The following ZCCHC2 variants were observed in gnomAD, a reference collection of about 807,000 sequenced individuals.
ZCCHC2 encodes the protein zinc finger CCHC-type containing 2, also known as zinc finger CCHC domain-containing protein 2.
A neutral mutation model predicts 103.6 loss-of-function variants in ZCCHC2; 39 were observed. The observed-to-expected ratio is 0.38, with a 90% confidence interval of 0.29 to 0.49. The LOEUF (loss-of-function observed/expected upper bound fraction) is 0.49, where lower values mean the gene tolerates loss of function less well. ZCCHC2 is among the 20% of genes least tolerant of loss of function. The pLI is 0.96. For missense variants in ZCCHC2, 1,483 were observed against 1,491.0 expected (o/e 0.99, Z 0.09); for synonymous variants, 687 against 608.9 (o/e 1.13, Z -1.89).
Position 62,550,429 on chromosome 18 carries a change from C to G in ZCCHC2, c.1282C>G (p.Arg428Gly). 1 of 1,613,546 alleles carries G rather than the reference C, an allele frequency of 6.2e-7. No homozygotes were observed. Among genetic ancestry groups the G allele is most frequent in the Non-Finnish European group, 8.5e-7 (1 of 1,179,698 alleles). ...TCAGGGTTCCTTGAAAAGGGAGGAA[C>G]GGCGACATCCTGACCTAGAGCCCAT... is the stretch of plus-strand genomic sequence containing the variant. ...LNQGSLKREE[R>G]RHPDLEPILR... Residue 428 changes from arginine to glycine, a missense_variant, in exon 5 of 14, where the codon CGG becomes GGG. By Grantham distance (125) the Arg-to-Gly change is moderately radical. Coordinates refer to ENST00000269499, the MANE Select transcript of ZCCHC2 (RefSeq NM_017742.6).
At chr18:62,558,097 G>A (rs977117104) in intron 6 of ZCCHC2, among the ~76,000 whole-genome samples, 2 of 151,266 alleles carry the variant, frequency 1.3e-5, no homozygotes, top group South Asian at 2.1e-4. Flanking sequence ...GAAAACTAGC[G>A]CTGAAAAAAA....
intron 1 of ZCCHC2, among the ~76,000 whole-genome samples, chr18:62,534,551 G>T (rs932611899): frequency 6.6e-6 from 1 of 152,188 alleles, no homozygotes; most frequent in African/African-American, 2.4e-5. Flanking sequence ...GTAGTGCCTT[G>T]TGTGATTGGA....
intron 1 of ZCCHC2, 169 bp downstream of exon 1, chr18:62,524,532 C>G: frequency 1.8e-6 from 2 of 1,117,712 alleles, no homozygotes; most frequent in Non-Finnish European, 2.4e-6. Flanking sequence ...CTCGCTGGGC[C>G]GCTCCGTTCC....
intron 1 of ZCCHC2, 112 bp downstream of exon 1, chr18:62,524,475 C>T (rs747680284): frequency 1.5e-4 from 201 of 1,384,930 alleles, no homozygotes; most frequent in Middle Eastern, 2.6e-4. Flanking sequence ...GCAGGTGGCT[C>T]GGAATCCCCA....
intron 11 of ZCCHC2, among the ~76,000 whole-genome samples, chr18:62,566,187 A>G (rs560859347): frequency 9.1e-4 from 138 of 152,306 alleles, no homozygotes; most frequent in African/African-American, 2.7e-3. Flanking sequence ...AGAGGTTGCA[A>G]TGAGCCACGA....
chr18:62,553,764 A>G (rs1915766367), intron 5 of ZCCHC2, among the ~76,000 whole-genome samples: 1 of 152,214 alleles, frequency 6.6e-6, no homozygotes, highest in Non-Finnish European at 1.5e-5. Flanking sequence ...TCGGAAAGAC[A>G]GTCCGATTTC....
intron 14 of ZCCHC2, among the ~76,000 whole-genome samples, chr18:62,584,281 G>GGA (rs1175354555): frequency 1.3e-5 from 2 of 152,210 alleles, no homozygotes; most frequent in East Asian, 3.9e-4. Context: ...TGTGGGGACC[G>GGA]GAGACCCTTC....
chr18:62,571,577 A>C (rs1249585285), intron 12 of ZCCHC2, among the ~76,000 whole-genome samples: 1 of 152,112 alleles, frequency 6.6e-6, no homozygotes, highest in Non-Finnish European at 1.5e-5. Flanking sequence ...TAGAGGTCTT[A>C]CTCTACCATT....
At chr18:62,532,333 C>CT (rs1448454694) in intron 1 of ZCCHC2, among the ~76,000 whole-genome samples, 1 of 152,242 alleles carries the variant, frequency 6.6e-6, no homozygotes, top group Non-Finnish European at 1.5e-5. Flanking sequence ...TGAATACACA[C>CT]TTTCCTCATC....
chr18:62,524,255 G>A lies in ZCCHC2; in HGVS notation c.831G>A (p.Arg277=), dbSNP rs1446751842. 1 of 1,550,144 alleles carries A rather than the reference G, an allele frequency of 6.5e-7. No homozygotes were observed. The highest frequency in any genetic ancestry group is 2.4e-5 in the East Asian group (1 of 40,840). ...ACCCGGCTTTCTCCTTCCACCAGCG[G>A]GTCACCCTGAGGGAACACTTGGAGA... is the stretch of plus-strand genomic sequence containing the variant. ...SLHPAFSFHQ[R]VTLREHLERL... The change falls in exon 1 of 14, where the codon CGG becomes CGA. Residue 277 remains arginine, a synonymous_variant. Transcript: ENST00000269499.
intron 5 of ZCCHC2, among the ~76,000 whole-genome samples, chr18:62,555,122 G>C (rs1915830565): frequency 6.6e-6 from 1 of 152,184 alleles, no homozygotes; most frequent in Non-Finnish European, 1.5e-5. Context: ...GTAACCATGA[G>C]AAATTGGAAG....
At chr18:62,542,124 T>C (rs1344877575) in intron 2 of ZCCHC2, among the ~76,000 whole-genome samples, 1 of 152,216 alleles carries the variant, frequency 6.6e-6, no homozygotes, top group Non-Finnish European at 1.5e-5. Flanking sequence ...ATTTAGTTGA[T>C]ATTAAAATGC....
chr18:62,533,488 G>C (rs1914784178), intron 1 of ZCCHC2, among the ~76,000 whole-genome samples: 1 of 152,064 alleles, frequency 6.6e-6, no homozygotes, highest in Non-Finnish European at 1.5e-5. Context: ...TCATGCCACT[G>C]CACTCCAACC....
chr18:62,572,972 C>T (rs1916651256), intron 12 of ZCCHC2, among the ~76,000 whole-genome samples: 1 of 152,096 alleles, frequency 6.6e-6, no homozygotes, highest in African/African-American at 2.4e-5. Flanking sequence ...CTTTGAGTTT[C>T]TTCTAATATA....
At chr18:62,531,153 G>C (rs1218092785) in intron 1 of ZCCHC2, among the ~76,000 whole-genome samples, 2 of 152,052 alleles carry the variant, frequency 1.3e-5, no homozygotes, top group East Asian at 1.9e-4. Flanking sequence ...ATGGAGGACT[G>C]TGTGTGACAG....
chr18:62,561,738 C>T (rs186599145), intron 8 of ZCCHC2, among the ~76,000 whole-genome samples: 5 of 152,228 alleles, frequency 3.3e-5, no homozygotes, highest in Admixed American at 3.3e-4. Context: ...GAGTTTCAAT[C>T]GGTCTTACTG....
At chr18:62,560,740 G>T in intron 8 of ZCCHC2, 96 bp downstream of exon 8, 2 of 976,160 alleles carry the variant, frequency 2.0e-6, no homozygotes, top group South Asian at 3.9e-5. Context: ...CTATAATTCT[G>T]TCATTTTGCT....
In ZCCHC2 at chr18:62,523,262, A is replaced by C. The variant is rs1336055167; in HGVS notation, c.-163A>C. On this transcript the variant is annotated 5_prime_UTR_variant, in exon 1 of 14. Transcript: ENST00000269499. Reference sequence around the variant, plus strand: ...ACGCCAGCGACCCCGCCGGCCGGCCACCGCCCCCCTCGCCGGCCGAGACCC... The same window carrying C: ...ACGCCAGCGACCCCGCCGGCCGGCCCCCGCCCCCCTCGCCGGCCGAGACCC... 6.2e-5 allele frequency: 30 copies of C among 483,770 alleles called. No homozygotes were observed. The highest frequency in any genetic ancestry group is 7.2e-5 in the Non-Finnish European group (27 of 376,842). 30.0% of individuals were successfully genotyped at this position (483,770 alleles called of 1,614,324 possible).
At chr18:62,567,943 T>TAAAAAAAAAAAAAAAAAA (rs1916437329) in intron 11 of ZCCHC2, among the ~76,000 whole-genome samples, 1 of 7,280 alleles carries the variant, frequency 1.4e-4, no homozygotes, top group East Asian at 0.019. Context: ...AGACTCTGTC[T>TAAAAAAAAAAAAAAAAAA]CAAAAAAAAA....
Sources: allele counts gnomAD v4.1 joint callset (sites outside exome capture counted in the v4.1 genomes callset), GRCh38; gene constraint gnomAD v4.1.1; transcripts MANE v1.5; gene names NCBI Gene and HGNC (gene_info 2026-07-23, HGNC 2026-07-21).